SERINC4: variants seen among roughly 807,000 people sequenced by gnomAD.
SERINC4 encodes the protein serine incorporator 4.
SERINC4 carries 52 observed loss-of-function variants against 52.0 expected under a neutral mutation model. The ratio of observed to expected loss-of-function variants is 1.00; its 90% CI spans 0.80 to 1.26. SERINC4 has a LOEUF of 1.26. SERINC4 is among the 50% of genes most tolerant of loss of function. The pLI is 0.00. For synonymous variants in SERINC4, 264 were observed against 247.7 expected (o/e 1.07, Z -0.62); for missense variants, 723 against 632.8 (o/e 1.14, Z -1.53).
In SERINC4 at chr15:43,795,673, T is replaced by C. The variant is rs756391238; in HGVS notation, c.1189+15A>G. On this transcript the variant is annotated intron_variant, in intron 10 of 11. Transcript: ENST00000319327. ...GAGATCTACCACTTCTTATGGTTCC[T>C]CACTTGGCACTCACCTTTGTCTGCC... is the stretch of plus-strand genomic sequence containing the variant. 1.2e-6 allele frequency: 2 copies of C among 1,613,830 alleles called. No homozygotes were observed. The highest frequency in any genetic ancestry group is 1.7e-6 in the Non-Finnish European group (2 of 1,179,772).
In SERINC4 at chr15:43,797,224, AAGCAGGCAGCC is replaced by A; in HGVS notation, c.754_764del (p.Gly252Ter). 1 of 1,550,756 alleles carries A rather than the reference AAGCAGGCAGCC, an allele frequency of 6.4e-7. No homozygotes were observed. Among genetic ancestry groups the A allele is most frequent in the Non-Finnish European group, 8.7e-7 (1 of 1,146,984 alleles). ...GGTGCAGACTGAGGAGCATCTTGTT[AAGCAGGCAGCC>A]AGCTGGGTGTGTATAATAGTGGAAT... On this transcript the variant is annotated frameshift_variant, in exon 6 of 12. Coordinates refer to ENST00000319327, the MANE Select transcript of SERINC4 (RefSeq NM_001258031.2). LOFTEE classifies it high-confidence loss of function.
At chr15:43,798,367 C>T (rs963400510) in intron 4 of SERINC4, 58 bp downstream of exon 4, 1 of 1,310,630 alleles carries the variant, frequency 7.6e-7, no homozygotes, top group African/African-American at 1.4e-5. Flanking sequence ...TCTTCTTACC[C>T]ACTTGTTATC....
chr15:43,799,534 A>C (rs978182596), intron 1 of SERINC4, 48 bp from the exon 2 acceptor site: 11 of 1,548,852 alleles, frequency 7.1e-6, no homozygotes, highest in Admixed American at 2.0e-5. Flanking sequence ...CTTGCTGAGG[A>C]AAGGCATACG....
rs2087213089 is a variant in SERINC4 at position 43,796,246 on chromosome 15, C to A, written c.1068-19G>T. On this transcript the variant is annotated intron_variant, in intron 8 of 11. Coordinates refer to ENST00000319327, the MANE Select transcript of SERINC4 (RefSeq NM_001258031.2). ...CTCATTGCTGAGAAAGAATAGAGTT[C>A]TTAAGCTGGTTTAGTTAAATAGGGA... 6.3e-7 allele frequency: 1 copy of A among 1,599,918 alleles called. No homozygotes were observed. Among genetic ancestry groups the A allele is most frequent in the African/African-American group, 1.3e-5 (1 of 74,612 alleles).
rs759111487 is a variant in SERINC4 at position 43,797,959 on chromosome 15, AC to A, written c.592del (p.Val198CysfsTer33). 1.1e-5 allele frequency: 17 copies of A among 1,613,828 alleles called. No homozygotes were observed. Among genetic ancestry groups the A allele is most frequent in the African/African-American group, 2.7e-5 (2 of 74,902 alleles). On this transcript the variant is annotated frameshift_variant, in exon 5 of 12. Coordinates refer to ENST00000319327, the MANE Select transcript of SERINC4 (RefSeq NM_001258031.2). LOFTEE classifies it high-confidence loss of function. ...GGAATGGGCAAAAGCTGTAATAAGC[AC>A]CAACTGCAGTAGGATGAATGCAAAG... Reference protein sequence around the residue: ...GGFAFILLQLVLITAFAHSWN... With the variant: ...GGFAFILLQLXLITAFAHSWN...
Position 43,795,057 on chromosome 15 carries a change from G to T in SERINC4, c.1500C>A (p.Ile500=), listed in dbSNP as rs771216898. 1.2e-5 allele frequency: 19 copies of T among 1,612,254 alleles called. No homozygotes were observed. The highest frequency in any genetic ancestry group is 3.7e-4 in the Middle Eastern group (2 of 5,466). ...TGATGCGGTGGCGGCGGCGCCTCAA[G>T]ATAAGGGGCTGGGGTTTCTGGGTGG... is the stretch of plus-strand genomic sequence containing the variant. The part of the protein sequence containing the change: ...WPPTQKPQPL[I]LRRRRHRIIS... The change falls in exon 12 of 12, where the codon ATC becomes ATA. Residue 500 remains isoleucine, a synonymous_variant. Transcript: ENST00000319327.
In SERINC4 at chr15:43,794,958, T is replaced by A; in HGVS notation, c.*42A>T. The A allele has an allele frequency of 6.6e-7, 1 of 1,506,974 alleles. No individual in the cohort carries two copies. The highest frequency in any genetic ancestry group is 9.1e-7 in the Non-Finnish European group (1 of 1,101,908). The allele number at this position is 1,506,974 out of a possible 1,614,324, so 93.4% of individuals were successfully genotyped here. A position where few individuals can be genotyped will look rare whatever the true frequency, so the allele number is the denominator to read the frequency against. ...TGGACAGCTCCCCTTGAGCCAACTC[T>A]AGGAGTACAATGTCAGGGGAACCCC... On this transcript the variant is annotated 3_prime_UTR_variant, in exon 12 of 12. Coordinates refer to ENST00000319327, the MANE Select transcript of SERINC4 (RefSeq NM_001258031.2).
rs981114582 is a variant in SERINC4 at position 43,794,828 on chromosome 15, G to A, written c.*172C>T. On this transcript the variant is annotated 3_prime_UTR_variant, in exon 12 of 12. Transcript: ENST00000319327. ...GTAGCTCCAGTGAGTCAGACACTCT[G>A]CCCAGCACATTAGACTGTGTTTGAC... The A allele has an allele frequency of 1.2e-5, 7 of 602,172 alleles. No homozygotes were observed. Among genetic ancestry groups the A allele is most frequent in the Non-Finnish European group, 2.1e-5 (7 of 341,040 alleles). The allele number at this position is 602,172 out of a possible 1,614,324, so 37.3% of individuals were successfully genotyped here. A position where few individuals can be genotyped will look rare whatever the true frequency, so the allele number is the denominator to read the frequency against.
intron 4 of SERINC4, 66 bp downstream of exon 4, chr15:43,798,356 CTCT>C (rs2087252944): frequency 2.4e-6 from 3 of 1,230,198 alleles, no homozygotes; most frequent in Non-Finnish European, 3.6e-6. Flanking sequence ...GCCATTACTC[CTCT>C]TCTTACCCAC....
chr15:43,794,767 G>C lies in SERINC4; in HGVS notation c.*233C>G, dbSNP rs1163265510. 8.2e-6 allele frequency: 4 copies of C among 489,062 alleles called. No homozygotes were observed. Among genetic ancestry groups the C allele is most frequent in the Admixed American group, 3.3e-5 (1 of 30,142 alleles). 30.3% of individuals were successfully genotyped at this position (489,062 alleles called of 1,614,324 possible). ...GGTGGTTCTTTGAGCTGCTGATTTGGGTGTTAGGCTCTTGAGCTGGGATGC... is the reference window on the plus strand; with the variant it reads ...GGTGGTTCTTTGAGCTGCTGATTTGCGTGTTAGGCTCTTGAGCTGGGATGC... On this transcript the variant is annotated 3_prime_UTR_variant, in exon 12 of 12. Transcript: ENST00000319327.
At position 43,797,228 on chromosome 15, in the gene SERINC4, A is replaced by C. The variant is rs962012104; in HGVS notation, c.761T>G (p.Leu254Arg). The C allele has an allele frequency of 6.4e-7, 1 of 1,550,768 alleles. No individual in the cohort carries two copies. ...CAGACTGAGGAGCATCTTGTTAAGC[A>C]GGCAGCCAGCTGGGTGTGTATAATA... ...FHYYTHPAGC[L>R]LNKMLLSLHL... is the part of the protein sequence containing the mutation. Residue 254 changes from leucine to arginine, a missense_variant, in exon 6 of 12, where the codon CTG becomes CGG. Transcript: ENST00000319327.
intron 8 of SERINC4, 97 bp from the exon 9 acceptor site, chr15:43,796,324 G>T: frequency 1.1e-6 from 1 of 926,910 alleles, no homozygotes; most frequent in South Asian, 1.4e-5. Flanking sequence ...CCTCAAAAGG[G>T]TACCATACTC....
intron 5 of SERINC4, 164 bp downstream of exon 5, chr15:43,797,756 C>A (rs1388808531): frequency 1.7e-6 from 1 of 602,496 alleles, no homozygotes; most frequent in East Asian, 2.8e-5. Flanking sequence ...TGTGACTAGC[C>A]ATCCTACTTG....
In SERINC4 at chr15:43,794,951, C is replaced by G. The variant is rs1201902025; in HGVS notation, c.*49G>C. The G allele has an allele frequency of 6.8e-7, 1 of 1,468,032 alleles. No homozygotes were observed. Among genetic ancestry groups the G allele is most frequent in the Non-Finnish European group, 9.3e-7 (1 of 1,073,766 alleles). The allele number at this position is 1,468,032 out of a possible 1,614,324, so 90.9% of individuals were successfully genotyped here. A position where few individuals can be genotyped will look rare whatever the true frequency, so the allele number is the denominator to read the frequency against. On this transcript the variant is annotated 3_prime_UTR_variant, in exon 12 of 12. Transcript: ENST00000319327. ...GCTGGGCTGGACAGCTCCCCTTGAG[C>G]CAACTCTAGGAGTACAATGTCAGGG...
Position 43,800,200 on chromosome 15 carries a change from C to G in SERINC4, c.-214G>C. The G allele has an allele frequency of 1.7e-6, 1 of 587,480 alleles. No homozygotes were observed. Among genetic ancestry groups the G allele is most frequent in the Non-Finnish European group, 3.0e-6 (1 of 331,660 alleles). The allele number at this position is 587,480 out of a possible 1,614,324, so 36.4% of individuals were successfully genotyped here. A position where few individuals can be genotyped will look rare whatever the true frequency, so the allele number is the denominator to read the frequency against. ...CTTTGTCCTTAGGGCCTCAACACTG[C>G]GGCCACTCAGGCTGTTCTCTCCAGA... On this transcript the variant is annotated 5_prime_UTR_variant, in exon 1 of 12. Coordinates refer to ENST00000319327, the MANE Select transcript of SERINC4 (RefSeq NM_001258031.2).
At chr15:43,797,385 G>T in intron 5 of SERINC4, 29 bp from the exon 6 acceptor site, 1 of 1,512,528 alleles carries the variant, frequency 6.6e-7, no homozygotes, top group Non-Finnish European at 8.9e-7. Context: ...CAATGGCTTG[G>T]AGCTCCAGCA....
intron 4 of SERINC4, 150 bp downstream of exon 4, chr15:43,798,275 T>C (rs2087251630): frequency 1.4e-6 from 1 of 699,296 alleles, no homozygotes; most frequent in African/African-American, 1.8e-5. Flanking sequence ...TGTCTTGATC[T>C]CTTGACCTCG....
intron 3 of SERINC4, 130 bp downstream of exon 3, chr15:43,798,829 G>C: frequency 1.1e-6 from 1 of 923,502 alleles, no homozygotes; most frequent in African/African-American, 1.6e-5. Flanking sequence ...GCAAGTACAC[G>C]AGAAGCAGGG....
rs1200444758 is a variant in SERINC4, at chr15:43,798,679, A to G, written c.459-175T>C. 3 of 628,908 alleles carry G rather than the reference A, an allele frequency of 4.8e-6. No homozygotes were observed. In the Admixed American group the frequency reaches 8.6e-5, roughly 18 times the overall value. The allele number at this position is 628,908 out of a possible 1,614,324, so 39.0% of individuals were successfully genotyped here. ...GGTTGGGACAGGCCTACTGCACCTTATTCCAAATTCTAACTCAAAGATACT... is the reference window on the plus strand; with the variant it reads ...GGTTGGGACAGGCCTACTGCACCTTGTTCCAAATTCTAACTCAAAGATACT... On this transcript the variant is annotated intron_variant, in intron 3 of 11. Coordinates refer to ENST00000319327, the MANE Select transcript of SERINC4 (RefSeq NM_001258031.2).
Sources: allele counts gnomAD v4.1 joint callset, GRCh38; gene constraint gnomAD v4.1.1; transcripts MANE v1.5; gene names NCBI Gene and HGNC (gene_info 2026-07-23, HGNC 2026-07-21).